NYAP2: variants seen among roughly 807,000 people sequenced by gnomAD.
NYAP2 encodes neuronal tyrosine-phosphorylated phosphoinositide-3-kinase adaptor 2.
In NYAP2, 23 loss-of-function variants were observed where a neutral mutation model predicts 50.4. The observed-to-expected ratio is 0.46, with a 90% CI of 0.33 to 0.65. The LOEUF (loss-of-function observed/expected upper bound fraction) is 0.65. Among genes scored for constraint, NYAP2 ranks in the 30% least tolerant of loss-of-function variants. The pLI, the probability that NYAP2 is intolerant of heterozygous loss-of-function variation, is 0.02. For missense variants in NYAP2, 885 were observed against 861.0 expected (o/e 1.03, Z -0.35); for synonymous variants, 394 against 365.2 (o/e 1.08, Z -0.90).
chr2:225,492,831 T>C (rs1013105864), intron 3 of NYAP2, among the ~76,000 whole-genome samples: 1 of 152,138 alleles, frequency 6.6e-6, no homozygotes, highest in East Asian at 1.9e-4. Context: ...GACCAGGCCA[T>C]GAGGGATCTG....
intron 3 of NYAP2, among the ~76,000 whole-genome samples, chr2:225,490,992 G>A (rs747830764): frequency 5.9e-5 from 9 of 152,042 alleles, no homozygotes; most frequent in East Asian, 1.9e-4. Flanking sequence ...GAAGGTGTTC[G>A]TGTTCTAAGC....
At chr2:225,594,263 C>T (rs1194135234) in intron 5 of NYAP2, among the ~76,000 whole-genome samples, 2 of 152,098 alleles carry the variant, frequency 1.3e-5, no homozygotes, top group African/African-American at 2.4e-5. Context: ...GTGGCTGATG[C>T]CTGTAATCCC....
At chr2:225,634,601 T>G (rs555984285) in intron 6 of NYAP2, among the ~76,000 whole-genome samples, 19 of 152,346 alleles carry the variant, frequency 1.2e-4, no homozygotes, top group African/African-American at 2.9e-4. Context: ...TTGTAAATTC[T>G]ATACTAATTA....
At chr2:225,524,114 G>C (rs1047804297) in intron 4 of NYAP2, among the ~76,000 whole-genome samples, 1 of 152,154 alleles carries the variant, frequency 6.6e-6, no homozygotes. Context: ...ATGATCACAA[G>C]GTGAAGTCCC....
At chr2:225,509,715 A>G (rs942425182) in intron 3 of NYAP2, among the ~76,000 whole-genome samples, 16 of 151,318 alleles carry the variant, frequency 1.1e-4, no homozygotes, top group Non-Finnish European at 2.1e-4. Context: ...TTAACTCTGT[A>G]GAGTCCAGAG....
chr2:225,585,375 A>AT (rs1407553183), intron 5 of NYAP2, among the ~76,000 whole-genome samples: 1 of 152,222 alleles, frequency 6.6e-6, no homozygotes, highest in Non-Finnish European at 1.5e-5. Context: ...AGAAAAAAAA[A>AT]GTATATGTAA....
intron 5 of NYAP2, among the ~76,000 whole-genome samples, chr2:225,620,654 C>A (rs569949904): frequency 1.3e-5 from 2 of 152,198 alleles, no homozygotes; most frequent in East Asian, 1.9e-4. Flanking sequence ...TTCTTTAATC[C>A]TTTTGTTCAA....
chr2:225,424,511 G>A (rs1041563312), intron 3 of NYAP2, among the ~76,000 whole-genome samples: 1 of 151,710 alleles, frequency 6.6e-6, no homozygotes, highest in Non-Finnish European at 1.5e-5. Flanking sequence ...CCAGAGTTAT[G>A]ATCTAGTATT....
chr2:225,511,589 A>G (rs986886455), intron 3 of NYAP2, among the ~76,000 whole-genome samples: 15 of 152,088 alleles, frequency 9.9e-5, no homozygotes, highest in Admixed American at 8.5e-4. Context: ...AAATATTCAG[A>G]AAAAAATACA....
At chr2:225,537,055 G>C (rs1030909239) in intron 4 of NYAP2, among the ~76,000 whole-genome samples, 7 of 152,134 alleles carry the variant, frequency 4.6e-5, no homozygotes, top group Non-Finnish European at 1.0e-4. Context: ...TGGGATTACA[G>C]GCGTGAGCCA....
chr2:225,528,685 T>C (rs781206476), intron 4 of NYAP2, among the ~76,000 whole-genome samples: 1 of 152,220 alleles, frequency 6.6e-6, no homozygotes, highest in Non-Finnish European at 1.5e-5. Context: ...TAGAGAGTTG[T>C]GGAACAGATA....
chr2:225,415,459 CACAGAGAGCTCTTATTAGAGAA>C (rs1695107296), intron 3 of NYAP2, among the ~76,000 whole-genome samples: 1 of 152,082 alleles, frequency 6.6e-6, no homozygotes, highest in Non-Finnish European at 1.5e-5. Context: ...GACATAATTA[CACAGAGAGCTCTTATTAGAGAA>C]ATGTTAACAG....
chr2:225,626,960 A>G (rs1309993260), exon 6 of NYAP2: 2 of 1,585,708 alleles, frequency 1.3e-6, no homozygotes, highest in South Asian at 2.3e-5. Flanking sequence ...GCACGGAGCC[A>G]TTACCAAAGT....
chr2:225,525,034 G>A (rs74710266), intron 4 of NYAP2, among the ~76,000 whole-genome samples: 4,152 of 152,178 alleles, frequency 0.027, 193 homozygotes, highest in African/African-American at 0.095. Context: ...ACCACAGTAT[G>A]ATGTCATCTT....
intron 3 of NYAP2, among the ~76,000 whole-genome samples, chr2:225,493,006 A>G (rs1250585668): frequency 6.8e-6 from 1 of 146,596 alleles, no homozygotes; most frequent in Non-Finnish European, 1.5e-5. Flanking sequence ...TTTTTTTTTT[A>G]GACAGGGTCT....
chr2:225,521,632 T>C (rs1292922415), intron 4 of NYAP2, among the ~76,000 whole-genome samples: 1 of 151,732 alleles, frequency 6.6e-6, no homozygotes, highest in African/African-American at 2.4e-5. Flanking sequence ...GCCCACTTGA[T>C]CATGGTGGAT....
intron 6 of NYAP2, among the ~76,000 whole-genome samples, chr2:225,632,098 C>T (rs751732449): frequency 1.3e-5 from 2 of 152,094 alleles, no homozygotes; most frequent in Non-Finnish European, 2.9e-5. Flanking sequence ...TGGGATTGCC[C>T]GGCCACCTTT....
chr2:225,582,748 G>C lies in NYAP2; in HGVS notation c.1331G>C (p.Arg444Thr). Residue 444 changes from arginine to threonine, a missense_variant, in exon 5 of 7, where the codon AGG becomes ACG. Transcript: ENST00000636099. The surrounding 1 kb of genome is among the most constrained non-coding windows in gnomAD (Gnocchi z 7.0). ...TCTCCCTCCCCCGTCAGCATGGGGAGGTCCCTGACTCCCCTGAGCCTCAAA... is the reference window on the plus strand; with the variant it reads ...TCTCCCTCCCCCGTCAGCATGGGGACGTCCCTGACTCCCCTGAGCCTCAAA... 6.2e-7 allele frequency: 1 copy of C among 1,613,550 alleles called. No homozygotes were observed. The highest frequency in any genetic ancestry group is 2.2e-5 in the East Asian group (1 of 44,832).
At chr2:225,656,466 G>C (rs1174266281), downstream of NYAP2, among the ~76,000 whole-genome samples, 1 of 152,086 alleles carries the variant, frequency 6.6e-6, no homozygotes, top group African/African-American at 2.4e-5. Flanking sequence ...CTTCCCCTTT[G>C]CTTGACGACC....
Sources: gnomAD v4.1 joint callset for allele counts (sites outside exome capture counted in the v4.1 genomes callset) on GRCh38, gnomAD v4.1.1 for gene constraint, Gnocchi (gnomAD v3.1) non-coding constraint, MANE v1.5 for transcripts, NCBI Gene and HGNC (gene_info 2026-07-23, HGNC 2026-07-21) for gene names.